The following ASS1 variants were observed in gnomAD, a reference collection of about 807,000 sequenced individuals.
ASS1 encodes the protein argininosuccinate synthase.
Under a neutral mutation model 60.5 loss-of-function variants are expected in ASS1, and 58 were observed. The ratio of observed to expected loss-of-function variants is 0.96; its 90% CI spans 0.78 to 1.19. The LOEUF is 1.19. ASS1 is among the 50% of genes most tolerant of loss of function. The pLI, the probability that ASS1 is intolerant of heterozygous loss-of-function variation, is 0.00. For synonymous variants in ASS1, 200 were observed against 206.9 expected (o/e 0.97, Z 0.29); for missense variants, 454 against 547.3 (o/e 0.83, Z 1.70).
Position 130,491,539 on chromosome 9 carries a change from C to A in ASS1, c.970+2075C>A, listed in dbSNP as rs547924982. On this transcript the variant is annotated intron_variant, in intron 12 of 14. Transcript: ENST00000352480. This position sits in a 1 kb window ranked among gnomAD's most constrained non-coding sequence, Gnocchi z 5.3. ...TGGGCAGCTTTGAGCCGGGGACAGGCCAGCTGTAGCGGCCAAGTTCCCAGT... is the reference window on the plus strand; with the variant it reads ...TGGGCAGCTTTGAGCCGGGGACAGGACAGCTGTAGCGGCCAAGTTCCCAGT... 6.6e-6 allele frequency among the ~76,000 whole-genome samples: 1 copy of A among 152,328 alleles called. No individual in the cohort carries two copies. Among genetic ancestry groups the A allele is most frequent in the South Asian group, 2.1e-4 (1 of 4,828 alleles).
chr9:130,446,064 C>A (rs904667861), intron 1 of ASS1, among the ~76,000 whole-genome samples: 4 of 152,228 alleles, frequency 2.6e-5, no homozygotes, highest in Non-Finnish European at 5.9e-5. Context: ...GTTGCCCAGG[C>A]TGGCCTCGAG....
rs548739295 is a variant in ASS1, at chr9:130,459,479, T to C, written c.363+890T>C. ...CAAAGTCTCACTCTGACGCCCAGGC[T>C]GGAGTGCAGTGGCTCGATCTTGGCT... is the stretch of plus-strand genomic sequence containing the variant. On this transcript the variant is annotated intron_variant, in intron 4 of 14. Transcript: ENST00000352480. This position sits in a 1 kb window ranked among gnomAD's most constrained non-coding sequence, Gnocchi z 4.6. Among the ~76,000 whole-genome samples, 4 of 152,242 alleles carry C rather than the reference T, an allele frequency of 2.6e-5. No homozygotes were observed. The highest frequency in any genetic ancestry group is 7.2e-5 in the African/African-American group (3 of 41,544).
chr9:130,486,457 G>T (rs1035822515), intron 11 of ASS1, among the ~76,000 whole-genome samples: 1 of 152,106 alleles, frequency 6.6e-6, no homozygotes, highest in Non-Finnish European at 1.5e-5. Flanking sequence ...TCATTCCTCT[G>T]TTTCTGCTGC....
chr9:130,475,380 T>C (rs950622876), intron 8 of ASS1, among the ~76,000 whole-genome samples: 3 of 152,222 alleles, frequency 2.0e-5, no homozygotes, highest in South Asian at 4.1e-4. Context: ...AATTGTAAGA[T>C]GGCCAAGGGC....
chr9:130,452,083 T>C (rs1845340089), intron 1 of ASS1, 141 bp from the exon 2 acceptor site: 1 of 755,338 alleles, frequency 1.3e-6, no homozygotes, highest in Non-Finnish European at 2.3e-6. Context: ...AAGGTGAACA[T>C]CCTGTTCCCG....
chr9:130,470,242 A>G lies in ASS1; in HGVS notation c.496-592A>G, dbSNP rs1311068649. 6.6e-6 allele frequency among the ~76,000 whole-genome samples: 1 copy of G among 152,186 alleles called. No homozygotes were observed. The highest frequency in any genetic ancestry group is 1.9e-4 in the East Asian group (1 of 5,200). ...ACAGACTGGGCCATTTAGGAAGCGA[A>G]ACAGAGCCAGAGCCGAGTGCCTTGG... On this transcript the variant is annotated intron_variant, in intron 6 of 14. Transcript: ENST00000352480. This position sits in a 1 kb window ranked among gnomAD's most constrained non-coding sequence, Gnocchi z 4.3.
intron 4 of ASS1, 97 bp downstream of exon 4, chr9:130,458,686 G>A (rs1159268136): frequency 4.4e-5 from 66 of 1,488,766 alleles, no homozygotes; most frequent in South Asian, 1.1e-4. Flanking sequence ...GTGTGCCTCC[G>A]GGGCAGACTT....
chr9:130,463,060 C>T lies in ASS1; in HGVS notation c.364-1051C>T, dbSNP rs1416356626. ...AGTGAGGCCAGCCCAAGGCCTGTGC[C>T]GCACACACAGCTCCCAGCTCTGCAG... On this transcript the variant is annotated intron_variant, in intron 4 of 14. Transcript: ENST00000352480. 3.9e-5 allele frequency among the ~76,000 whole-genome samples: 6 copies of T among 152,262 alleles called. No individual in the cohort carries two copies. In the South Asian group the frequency reaches 6.2e-4, roughly 16 times the overall value.
rs1303466623 is a variant in ASS1, at chr9:130,454,352, A to G, written c.153A>G (p.Ala51=). ...KEDFEEARKK[A]LKLGAKKVFI... is the part of the protein sequence containing the mutation. Reference sequence around the variant, plus strand: ...ACTTCGAGGAAGCCAGGAAGAAGGCACTGAAGCTTGGGGCCAAAAAGGTAC... The same window carrying G: ...ACTTCGAGGAAGCCAGGAAGAAGGCGCTGAAGCTTGGGGCCAAAAAGGTAC... The change falls in exon 3 of 15, where the codon GCA becomes GCG. Residue 51 remains alanine (A), a synonymous_variant. Transcript: ENST00000352480. 5 of 1,613,664 alleles carry G rather than the reference A, an allele frequency of 3.1e-6. No individual in the cohort carries two copies. The highest frequency in any genetic ancestry group is 2.7e-5 in the African/African-American group (2 of 74,926).
chr9:130,462,489 G>T (rs1845622265), intron 4 of ASS1, among the ~76,000 whole-genome samples: 1 of 152,150 alleles, frequency 6.6e-6, no homozygotes, highest in African/African-American at 2.4e-5. Context: ...AACCAAGGAA[G>T]CGTTTGTTTG....
chr9:130,500,409 G>A (rs531513142), intron 14 of ASS1, among the ~76,000 whole-genome samples: 5 of 152,294 alleles, frequency 3.3e-5, no homozygotes, highest in African/African-American at 1.2e-4. Context: ...CTGTCCTGCT[G>A]TGGGTTCTCC....
chr9:130,454,341 A>G lies in ASS1; in HGVS notation c.142A>G (p.Arg48Gly), dbSNP rs374695792. The G allele has an allele frequency of 1.1e-5, 17 of 1,613,616 alleles. No individual in the cohort carries two copies. In the African/African-American group the frequency reaches 2.1e-4, roughly 20 times the overall value. The change falls in exon 3 of 15, where the codon AGG becomes GGG. Residue 48 changes from arginine to glycine, a missense_variant. Transcript: ENST00000352480. Reference protein sequence around the residue: ...IGQKEDFEEARKKALKLGAKK... With the variant: ...IGQKEDFEEAGKKALKLGAKK... ...CCAGAAGGAAGACTTCGAGGAAGCC[A>G]GGAAGAAGGCACTGAAGCTTGGGGC...
chr9:130,483,599 G>A (rs1293449929), intron 11 of ASS1, among the ~76,000 whole-genome samples: 4 of 151,968 alleles, frequency 2.6e-5, no homozygotes, highest in Non-Finnish European at 5.9e-5. Flanking sequence ...GGAAGCCGAG[G>A]GAGGCCGGGA....
rs1778317114 is a variant in ASS1 at position 130,459,395 on chromosome 9, C to T, written c.363+806C>T. On this transcript the variant is annotated intron_variant, in intron 4 of 14. Coordinates refer to ENST00000352480, the MANE Select transcript of ASS1 (RefSeq NM_054012.4). The surrounding 1 kb of genome is among the most constrained non-coding windows in gnomAD (Gnocchi z 4.6). ...ACAGGAACCCGTCTTGGATTAGGGC[C>T]CTTCAATGACCTCATCTTAACTTGG... Among the ~76,000 whole-genome samples, 1 of 151,970 alleles carries T rather than the reference C, an allele frequency of 6.6e-6. No homozygotes were observed.
chr9:130,463,524 C>T (rs976904253), intron 4 of ASS1, among the ~76,000 whole-genome samples: 1 of 152,146 alleles, frequency 6.6e-6, no homozygotes, highest in African/African-American at 2.4e-5. Flanking sequence ...TGGACTGGTT[C>T]CTTTCCCTTC....
intron 6 of ASS1, among the ~76,000 whole-genome samples, chr9:130,467,182 CG>C (rs1845763410): frequency 6.6e-6 from 1 of 152,024 alleles, no homozygotes; most frequent in African/African-American, 2.4e-5. Flanking sequence ...GATGGCCGGC[CG>C]GGGGGATGTG....
chr9:130,493,598 T>C (rs985655567), intron 12 of ASS1, among the ~76,000 whole-genome samples: 1 of 152,140 alleles, frequency 6.6e-6, no homozygotes, highest in Non-Finnish European at 1.5e-5. Flanking sequence ...GGCCTGGGCC[T>C]CCCACAATAG....
chr9:130,461,702 A>G (rs12000999), intron 4 of ASS1, among the ~76,000 whole-genome samples: 40,692 of 152,074 alleles, frequency 0.27, 6,094 homozygotes, highest in African/African-American at 0.4. Context: ...AACTGGGGGT[A>G]TGAGTGGAGA....
chr9:130,479,249 C>T (rs1480299199), intron 9 of ASS1, among the ~76,000 whole-genome samples: 3 of 151,954 alleles, frequency 2.0e-5, no homozygotes, highest in Non-Finnish European at 4.4e-5. Flanking sequence ...AGGGTCGGGG[C>T]GCGGGGTCCG....
Sources: allele counts gnomAD v4.1 joint callset (sites outside exome capture counted in the v4.1 genomes callset), GRCh38; gene constraint gnomAD v4.1.1; non-coding constraint Gnocchi (gnomAD v3.1); transcripts MANE v1.5; gene names NCBI Gene and HGNC (gene_info 2026-07-23, HGNC 2026-07-21).